MECOM: variants seen among roughly 807,000 people sequenced by gnomAD.
MECOM encodes MDS1 and EVI1 complex locus, also known as histone-lysine N-methyltransferase MECOM.
MECOM carries 13 observed loss-of-function variants against 116.3 expected under a neutral mutation model. The ratio of observed to expected loss-of-function variants is 0.11; its 90% CI spans 0.07 to 0.18. The LOEUF (loss-of-function observed/expected upper bound fraction) is 0.18, where lower values mean the gene tolerates loss of function less well. MECOM is among the 10% of genes least tolerant of loss of function. The pLI, the probability that MECOM is intolerant of heterozygous loss-of-function variation, is 1.00. For synonymous variants in MECOM, 528 were observed against 535.2 expected, an observed-to-expected ratio of 0.99 and a Z score of 0.19; for missense variants, 1,299 against 1,509.0, an observed-to-expected ratio of 0.86 and a Z score of 2.31.
chr3:169,357,709 T>C (rs969580194), intron 2 of MECOM, among the ~76,000 whole-genome samples: 7 of 151,714 alleles, frequency 4.6e-5, no homozygotes, highest in African/African-American at 1.7e-4. Flanking sequence ...GTGACACATA[T>C]ATTAGATAGA....
intron 2 of MECOM, among the ~76,000 whole-genome samples, chr3:169,230,255 A>T (rs1753210711): frequency 6.6e-6 from 1 of 151,628 alleles, no homozygotes; most frequent in Non-Finnish European, 1.5e-5. Context: ...AAGAAAAAAA[A>T]AAGGTTCTGG....
At chr3:169,220,698 C>T (rs1452656454) in intron 2 of MECOM, among the ~76,000 whole-genome samples, 1 of 152,132 alleles carries the variant, frequency 6.6e-6, no homozygotes, top group Non-Finnish European at 1.5e-5. Context: ...TGGTCTCAAA[C>T]TCCTGACATC....
chr3:169,167,820 A>G (rs939140741), intron 2 of MECOM, among the ~76,000 whole-genome samples: 5 of 151,830 alleles, frequency 3.3e-5, no homozygotes, highest in African/African-American at 1.2e-4. Context: ...TGCTTTTAAT[A>G]AAACATACTA....
chr3:169,550,362 G>A (rs1234237694), intron 1 of MECOM, among the ~76,000 whole-genome samples: 2 of 152,150 alleles, frequency 1.3e-5, no homozygotes, highest in Non-Finnish European at 2.9e-5. Flanking sequence ...AATTTTTACA[G>A]CCATTTACAC....
At position 169,406,002 on chromosome 3, in the gene MECOM, T is replaced by C. The variant is rs184094525; in HGVS notation, c.38-24478A>G. Among the ~76,000 whole-genome samples, 385 of 152,350 alleles carry C rather than the reference T, an allele frequency of 2.5e-3. 3 individuals carry two copies. The highest frequency in any genetic ancestry group is 8.7e-3 in the African/African-American group (360 of 41,592). On this transcript the variant is annotated intron_variant, in intron 1 of 16. Transcript: ENST00000651503. ...GTGGAGAATGTTGAAGATTATGGGT[T>C]AGCTTGGGAAGACTTTCCTAGCCAT...
At chr3:169,185,113 C>T (rs1415996755) in intron 2 of MECOM, among the ~76,000 whole-genome samples, 1 of 152,204 alleles carries the variant, frequency 6.6e-6, no homozygotes, top group East Asian at 1.9e-4. Flanking sequence ...AGATATTAAG[C>T]AAGAGGGTAG....
intron 2 of MECOM, among the ~76,000 whole-genome samples, chr3:169,222,545 CTGT>C (rs752839621): frequency 2.6e-5 from 4 of 152,124 alleles, no homozygotes; most frequent in Non-Finnish European, 5.9e-5. Flanking sequence ...AGTGTGAGTG[CTGT>C]TGGGTTTTGG....
rs1246883719 is a variant in MECOM, at chr3:169,122,211, C to G, written c.978+369G>C. On this transcript the variant is annotated intron_variant, in intron 6 of 16. Transcript: ENST00000651503. ...GGCATTCAGAAATTTTATGTGACTT[C>G]CTCACAAATTGCTATTAAAAGAAAT... Among the ~76,000 whole-genome samples, 5 of 152,108 alleles carry G rather than the reference C, an allele frequency of 3.3e-5. No homozygotes were observed. In the South Asian group the frequency reaches 1.0e-3, roughly 31 times the overall value.
intron 2 of MECOM, among the ~76,000 whole-genome samples, chr3:169,318,079 A>C (rs1422627576): frequency 6.6e-6 from 1 of 152,064 alleles, no homozygotes; most frequent in African/African-American, 2.4e-5. Flanking sequence ...CATGTAGAAA[A>C]CAAACTGGAC....
At chr3:169,265,686 A>G (rs1758190636) in intron 2 of MECOM, among the ~76,000 whole-genome samples, 1 of 152,226 alleles carries the variant, frequency 6.6e-6, no homozygotes, top group Non-Finnish European at 1.5e-5. Context: ...CAATAAGTTA[A>G]TAACGCATAC....
At chr3:169,586,964 A>G (rs1160191979) in intron 1 of MECOM, among the ~76,000 whole-genome samples, 1 of 152,208 alleles carries the variant, frequency 6.6e-6, no homozygotes, top group Non-Finnish European at 1.5e-5. Context: ...ACATTTATTG[A>G]GGACTATGTG....
intron 1 of MECOM, among the ~76,000 whole-genome samples, chr3:169,596,783 G>C (rs1767196273): frequency 6.6e-6 from 1 of 152,042 alleles, no homozygotes; most frequent in South Asian, 2.1e-4. Context: ...AGTGTATTCT[G>C]ATATTAAATA....
At chr3:169,600,530 A>T (rs1007454936) in intron 1 of MECOM, among the ~76,000 whole-genome samples, 3 of 152,188 alleles carry the variant, frequency 2.0e-5, no homozygotes, top group Admixed American at 2.0e-4. Context: ...AACACCAGTT[A>T]CCCAGGGGCC....
intron 1 of MECOM, among the ~76,000 whole-genome samples, chr3:169,608,407 G>A (rs745735468): frequency 8.5e-5 from 13 of 152,158 alleles, no homozygotes; most frequent in African/African-American, 1.4e-4. Flanking sequence ...AGCAGATCTC[G>A]AGTCAGTAGG....
chr3:169,269,638 C>T (rs1758705408), intron 2 of MECOM, among the ~76,000 whole-genome samples: 1 of 152,250 alleles, frequency 6.6e-6, no homozygotes, highest in Non-Finnish European at 1.5e-5. Flanking sequence ...GCCTCCTGCT[C>T]AATAAAAATC....
At chr3:169,556,299 G>A (rs1180499717) in intron 1 of MECOM, among the ~76,000 whole-genome samples, 2 of 152,166 alleles carry the variant, frequency 1.3e-5, no homozygotes, top group Non-Finnish European at 2.9e-5. Flanking sequence ...CTGACTCGGG[G>A]CTCCCACCAG....
chr3:169,272,153 G>T (rs569802964), intron 2 of MECOM, among the ~76,000 whole-genome samples: 193 of 152,250 alleles, frequency 1.3e-3, no homozygotes, highest in African/African-American at 4.6e-3. Flanking sequence ...ACTTAGTCTT[G>T]GAAGATTAAC....
chr3:169,315,952 C>A lies in MECOM; in HGVS notation c.375+65235G>T, dbSNP rs540765696. ...GTCAAATATGAGCCTAAATATTTAA[C>A]AATAAAGTTATTTGTTCTTTGGTCA... On this transcript the variant is annotated intron_variant, in intron 2 of 16. Coordinates refer to ENST00000651503, the MANE Select transcript of MECOM (RefSeq NM_004991.4). Among the ~76,000 whole-genome samples the A allele has an allele frequency of 3.3e-5, 5 of 152,168 alleles. No individual in the cohort carries two copies. In the South Asian group the frequency reaches 1.0e-3, roughly 32 times the overall value.
intron 2 of MECOM, among the ~76,000 whole-genome samples, chr3:169,359,969 T>A (rs1727923481): frequency 6.6e-6 from 1 of 151,708 alleles, no homozygotes; most frequent in African/African-American, 2.4e-5. Context: ...TCAGTCTTAA[T>A]GGTTAGGAGA....
Sources: gnomAD v4.1 joint callset for allele counts (sites outside exome capture counted in the v4.1 genomes callset) on GRCh38, gnomAD v4.1.1 for gene constraint, MANE v1.5 for transcripts, NCBI Gene and HGNC (gene_info 2026-07-23, HGNC 2026-07-21) for gene names.